SGK1: variants seen among roughly 807,000 people sequenced by gnomAD.
The protein encoded by SGK1 is serine/threonine-protein kinase Sgk1.
SGK1 carries 26 observed loss-of-function variants against 64.2 expected under a neutral mutation model. The ratio of observed to expected loss-of-function variants is 0.40; its 90% CI spans 0.30 to 0.56. The LOEUF is 0.56. SGK1 is among the 20% of genes least tolerant of loss of function. SGK1 has a pLI of 0.38. For missense variants in SGK1, 519 were observed against 645.6 expected, an observed-to-expected ratio of 0.80 and a Z score of 2.12; for synonymous variants, 265 against 239.7, an observed-to-expected ratio of 1.11 and a Z score of -0.98.
At chr6:134,176,017 A>G (rs1448153484) in intron 3 of SGK1, 2 of 1,020,718 alleles carry the variant, frequency 2.0e-6, no homozygotes, top group Admixed American at 5.8e-5. Context: ...TTCTGAAGTA[A>G]TCTCTGAGAA....
At chr6:134,234,734 G>A (rs556872373) in intron 2 of SGK1, among the ~76,000 whole-genome samples, 104 of 152,228 alleles carry the variant, frequency 6.8e-4, no homozygotes, top group Non-Finnish European at 1.4e-3. Context: ...AAATTAGCCA[G>A]GTGTGGTGAT....
chr6:134,219,449 T>G (rs1776043238), intron 2 of SGK1, among the ~76,000 whole-genome samples: 1 of 152,110 alleles, frequency 6.6e-6, no homozygotes, highest in Admixed American at 6.6e-5. Flanking sequence ...ATATCTAGAT[T>G]GTTTGCATTC....
At chr6:134,235,067 CT>C (rs1373761028) in intron 2 of SGK1, among the ~76,000 whole-genome samples, 1 of 152,156 alleles carries the variant, frequency 6.6e-6, no homozygotes, top group East Asian at 1.9e-4. Context: ...TTATAGAGAG[CT>C]TTATATACAG....
Position 134,171,026 on chromosome 6 carries a change from G to C in SGK1, c.1320C>G (p.Asp440Glu), listed in dbSNP as rs1379470082. ...DRTKRLGAKD[D>E]FMEIKSHVFF... ...AGGACAGGAAAACATCACTCACGAA[G>C]TCATCCTTGGCCCCGAGCCGCTTTG... is the stretch of plus-strand genomic sequence containing the variant. The change falls in exon 12 of 14, where the codon GAC (aspartate) becomes GAG (glutamate). Residue 440 changes from aspartate (D) to glutamate (E), a missense_variant. Physicochemically the swap from Asp to Glu is conservative, Grantham distance 45. This residue lies in a region of SGK1 where 278 missense variants were observed against 408.7 expected (regional missense o/e 0.68). Transcript: ENST00000367858. 1.2e-6 allele frequency: 2 copies of C among 1,614,078 alleles called. No homozygotes were observed. The highest frequency in any genetic ancestry group is 1.7e-6 in the Non-Finnish European group (2 of 1,179,958).
At chr6:134,264,649 G>A (rs9376022) in intron 1 of SGK1, among the ~76,000 whole-genome samples, 25,651 of 150,462 alleles carry the variant, frequency 0.17, 2,749 homozygotes, top group African/African-American at 0.29. Context: ...TATTATTTTT[G>A]TTGTTGTTGT....
At position 134,261,710 on chromosome 6, in the gene SGK1, C is replaced by T. The variant is rs1410076154; in HGVS notation, c.285+223G>A. Reference sequence around the variant, plus strand: ...CGTATATGGGTAATCTCTGTACCTTCTGCTCAATGTTGCTGTGAACTTAAA... The same window carrying T: ...CGTATATGGGTAATCTCTGTACCTTTTGCTCAATGTTGCTGTGAACTTAAA... On this transcript the variant is annotated intron_variant, in intron 2 of 13. Transcript: ENST00000367858. 7 of 612,384 alleles carry T rather than the reference C, an allele frequency of 1.1e-5. No individual in the cohort carries two copies. In the East Asian group the frequency reaches 1.9e-4, roughly 17 times the overall value. 37.9% of individuals were successfully genotyped at this position (612,384 alleles called of 1,614,324 possible). A position where few individuals can be genotyped will look rare whatever the true frequency, so the allele number is the denominator to read the frequency against.
At chr6:134,267,181 A>T (rs1373001109) in intron 1 of SGK1, among the ~76,000 whole-genome samples, 1 of 151,900 alleles carries the variant, frequency 6.6e-6, no homozygotes, top group African/African-American at 2.4e-5. Flanking sequence ...AATTTTTTTT[A>T]AATATTCTTT....
chr6:134,172,088 A>G, intron 10 of SGK1, 105 bp downstream of exon 10: 7 of 1,229,546 alleles, frequency 5.7e-6, no homozygotes, highest in Non-Finnish European at 8.1e-6. Flanking sequence ...TGTATTAAGA[A>G]GTCTCTGAGA....
chr6:134,191,853 T>TTTTTTTTTTTTTTA (rs1775517553), intron 3 of SGK1, among the ~76,000 whole-genome samples: 2 of 140,694 alleles, frequency 1.4e-5, no homozygotes, highest in Admixed American at 7.2e-5. Flanking sequence ...TTTTTTTTTT[T>TTTTTTTTTTTTTTA]GAGACAGAGT....
rs1265393233 is a variant in SGK1 at position 134,232,469 on chromosome 6, A to AAG, written c.286-25040_286-25039dup. 6.3e-5 allele frequency among the ~76,000 whole-genome samples: 3 copies of AAG among 47,342 alleles called. No homozygotes were observed. In the East Asian group the frequency reaches 2.1e-3, roughly 33 times the overall value. The allele number at this position is 47,342 out of a possible 152,430, so 31.1% of individuals were successfully genotyped here. On this transcript the variant is annotated intron_variant, in intron 2 of 13. Transcript: ENST00000367858. ...AAAGAAAGAAAGAAAGAAAGAAAGAAAGAAAGAAAGAAAGAGAAAGAAAAA... is the reference window on the plus strand; with the variant it reads ...AAAGAAAGAAAGAAAGAAAGAAAGAAAGAGAAAGAAAGAAAGAGAAAGAAAAA...
chr6:134,254,226 G>A (rs753037172), intron 2 of SGK1, among the ~76,000 whole-genome samples: 4 of 151,764 alleles, frequency 2.6e-5, no homozygotes, highest in Admixed American at 6.6e-5. Context: ...GCAAGGTCCC[G>A]GGAGGAGATA....
At chr6:134,282,297 A>G (rs1414574396) in intron 1 of SGK1, among the ~76,000 whole-genome samples, 1 of 152,180 alleles carries the variant, frequency 6.6e-6, no homozygotes, top group Non-Finnish European at 1.5e-5. Context: ...AAGAGCAGAT[A>G]GAACAGTGAA....
intron 3 of SGK1, among the ~76,000 whole-genome samples, chr6:134,198,724 C>CTCTTTT (rs1459010325): frequency 4.5e-5 from 3 of 65,946 alleles, no homozygotes; most frequent in Non-Finnish European, 7.0e-5. Context: ...TTCTCTTTTT[C>CTCTTTT]TATTTTTTTT....
In SGK1 at chr6:134,269,170, G is replaced by A. The variant is rs932302590; in HGVS notation, c.70-7022C>T. ...GTTTAGGTACTTAGGTGTGAACTCA[G>A]GTGGCAACACCTACTCTCATTGGCC... On this transcript the variant is annotated intron_variant, in intron 1 of 13. Transcript: ENST00000367858. 4.1e-5 allele frequency among the ~76,000 whole-genome samples: 6 copies of A among 147,752 alleles called. 1 individual carries two copies. The highest frequency in any genetic ancestry group is 2.4e-5 in the African/African-American group (1 of 41,216).
rs180960533 is a variant in SGK1 at position 134,173,322 on chromosome 6, G to A, written c.654C>T (p.Phe218=). The A allele has an allele frequency of 1.9e-6, 3 of 1,613,660 alleles. No homozygotes were observed. The Admixed American group carries it at 5.0e-5, about 27-fold the overall frequency. ...TCTTCTGTAAAACTTTGACTGCATAGAACACTTCTTCTGCCTTGTGTCTTG... is the reference window on the plus strand; with the variant it reads ...TCTTCTGTAAAACTTTGACTGCATAAAACACTTCTTCTGCCTTGTGTCTTG... The part of the protein sequence containing the change: ...LLARHKAEEV[F]YAVKVLQKKA... Residue 218 remains phenylalanine, a synonymous_variant, in exon 7 of 14, where the codon TTC becomes TTT. Transcript: ENST00000367858.
chr6:134,288,061 A>G (rs1162426126), intron 1 of SGK1, among the ~76,000 whole-genome samples: 2 of 152,222 alleles, frequency 1.3e-5, no homozygotes, highest in East Asian at 3.8e-4. Flanking sequence ...GGATGTCTTC[A>G]GATCATGAGG....
chr6:134,299,743 T>C (rs977596348), intron 1 of SGK1, among the ~76,000 whole-genome samples: 16 of 152,156 alleles, frequency 1.1e-4, no homozygotes, highest in African/African-American at 3.9e-4. Context: ...TTCATTCTAG[T>C]TTAGGCATTT....
At chr6:134,293,072 C>T (rs181268406) in intron 1 of SGK1, among the ~76,000 whole-genome samples, 2 of 152,216 alleles carry the variant, frequency 1.3e-5, no homozygotes, top group African/African-American at 2.4e-5. Context: ...ATAAAAGACA[C>T]GAAGAGGGAG....
intron 1 of SGK1, among the ~76,000 whole-genome samples, chr6:134,293,806 G>T (rs1177894870): frequency 6.6e-6 from 1 of 152,056 alleles, no homozygotes; most frequent in Non-Finnish European, 1.5e-5. Flanking sequence ...CCTTGATGAC[G>T]CATGGCAGAA....
Sources: allele counts gnomAD v4.1 joint callset (sites outside exome capture counted in the v4.1 genomes callset), GRCh38; gene constraint gnomAD v4.1.1; regional missense constraint gnomAD v4.1.1; transcripts MANE v1.5; gene names NCBI Gene and HGNC (gene_info 2026-07-23, HGNC 2026-07-21).